LHFPL6: variants seen among roughly 807,000 people sequenced by gnomAD.
LHFPL6 encodes LHFPL tetraspan subfamily member 6 protein.
In LHFPL6, 9 loss-of-function variants were observed where a neutral mutation model predicts 20.6. The ratio of observed to expected loss-of-function variants is 0.44; its 90% confidence interval spans 0.26 to 0.76. The LOEUF (loss-of-function observed/expected upper bound fraction) is 0.76, where lower values mean the gene tolerates loss of function less well. Ranked by LOEUF, LHFPL6 falls within the 30% of genes least tolerant of loss-of-function variation. The probability of loss-of-function intolerance (pLI) is 0.20; values close to 1 mark genes in which losing one functional copy is unlikely to be tolerated. For synonymous variants in LHFPL6, 105 were observed against 98.7 expected (o/e 1.06, Z -0.38); for missense variants, 218 against 253.5 (o/e 0.86, Z 0.95).
In LHFPL6 at chr13:39,343,719, T is replaced by G; in HGVS notation, c.*217A>C. The G allele has an allele frequency of 2.1e-6, 1 of 480,470 alleles. No individual in the cohort carries two copies. Among genetic ancestry groups the G allele is most frequent in the South Asian group, 3.7e-5 (1 of 27,264 alleles). 29.8% of individuals were successfully genotyped at this position (480,470 alleles called of 1,614,324 possible). ...TGCAATATTTTTAGCCTTTGGTCCA[T>G]TTTTCTCCATCATTCTATACTCTCC... On this transcript the variant is annotated 3_prime_UTR_variant, in exon 4 of 4. Transcript: ENST00000379589.
intron 2 of LHFPL6, among the ~76,000 whole-genome samples, chr13:39,517,188 T>G (rs767596660): frequency 2.4e-4 from 37 of 152,216 alleles, no homozygotes; most frequent in Non-Finnish European, 4.4e-5. Context: ...AATTATATAA[T>G]TAGTTCCTGA....
intron 2 of LHFPL6, among the ~76,000 whole-genome samples, chr13:39,411,470 A>C (rs1871239633): frequency 6.6e-6 from 1 of 152,214 alleles, no homozygotes; most frequent in African/African-American, 2.4e-5. Context: ...ACTTGATTCC[A>C]AAATAGTGGT....
intron 2 of LHFPL6, among the ~76,000 whole-genome samples, chr13:39,519,811 T>C (rs961229836): frequency 2.0e-5 from 3 of 152,074 alleles, no homozygotes; most frequent in African/African-American, 7.2e-5. Flanking sequence ...AATGAGGTAA[T>C]AGATGAAACA....
At chr13:39,558,954 C>T (rs973485396) in intron 2 of LHFPL6, among the ~76,000 whole-genome samples, 2 of 152,190 alleles carry the variant, frequency 1.3e-5, no homozygotes, top group Non-Finnish European at 2.9e-5. Flanking sequence ...CATGAAATCA[C>T]GCCTTTGGTC....
chr13:39,420,478 G>C (rs1010451857), intron 2 of LHFPL6, among the ~76,000 whole-genome samples: 1 of 152,104 alleles, frequency 6.6e-6, no homozygotes, highest in Admixed American at 6.5e-5. Context: ...CAACCACACC[G>C]GTTTCCTTAA....
At chr13:39,474,745 C>T (rs1156383063) in intron 2 of LHFPL6, among the ~76,000 whole-genome samples, 1 of 151,880 alleles carries the variant, frequency 6.6e-6, no homozygotes, top group African/African-American at 2.4e-5. Flanking sequence ...GAAGATGTCC[C>T]AGGCCACAGG....
intron 3 of LHFPL6, among the ~76,000 whole-genome samples, chr13:39,354,872 A>C (rs1269959446): frequency 1.3e-5 from 2 of 151,974 alleles, no homozygotes; most frequent in Non-Finnish European, 2.9e-5. Context: ...AGGATGAAAA[A>C]GAATGAACAA....
intron 3 of LHFPL6, among the ~76,000 whole-genome samples, chr13:39,345,421 G>A (rs941837556): frequency 7.0e-6 from 1 of 142,338 alleles, no homozygotes; most frequent in African/African-American, 2.6e-5. Flanking sequence ...GCTGAGGCAG[G>A]AGAATCACTT....
At chr13:39,419,695 A>T (rs527403361) in intron 2 of LHFPL6, among the ~76,000 whole-genome samples, 9 of 152,240 alleles carry the variant, frequency 5.9e-5, no homozygotes, top group Admixed American at 1.3e-4. Context: ...AAATTTTTTT[A>T]AAAAATTTAA....
chr13:39,424,637 A>T (rs2138398962), intron 2 of LHFPL6, among the ~76,000 whole-genome samples: 1 of 152,310 alleles, frequency 6.6e-6, no homozygotes, highest in Non-Finnish European at 1.5e-5. Context: ...CCAATTTAAT[A>T]TTACGGGGAT....
chr13:39,569,144 T>TGGACGGAC (rs1566143962), intron 2 of LHFPL6, among the ~76,000 whole-genome samples: 1 of 29,840 alleles, frequency 3.4e-5, no homozygotes, highest in South Asian at 2.0e-3. Context: ...GATGGATGGA[T>TGGACGGAC]GGATGGACGG....
intron 2 of LHFPL6, among the ~76,000 whole-genome samples, chr13:39,426,210 CT>C (rs1353151075): frequency 4.7e-5 from 7 of 149,238 alleles, no homozygotes; most frequent in Non-Finnish European, 1.0e-4. Context: ...ACTTTCTTTT[CT>C]TTTTTTCTTT....
At chr13:39,500,003 T>C (rs1869238010) in intron 2 of LHFPL6, among the ~76,000 whole-genome samples, 1 of 152,018 alleles carries the variant, frequency 6.6e-6, no homozygotes, top group South Asian at 2.1e-4. Context: ...CAAATGAGTT[T>C]ATTCTTTTTT....
At chr13:39,510,377 G>A (rs1328847039) in intron 2 of LHFPL6, among the ~76,000 whole-genome samples, 5 of 152,166 alleles carry the variant, frequency 3.3e-5, no homozygotes, top group African/African-American at 1.2e-4. Flanking sequence ...CTTTTGCCCT[G>A]GGGCAAACTG....
rs946106901 is a variant in LHFPL6 at position 39,371,691 on chromosome 13, C to T, written c.484+6737G>A. The stretch of plus-strand genomic sequence containing the variant: ...ACAAAAGAAAGAAAAGACTAAAATG[C>T]CTTTTCTCCTTTTTATCTCATCTTC... On this transcript the variant is annotated intron_variant, in intron 3 of 3. Transcript: ENST00000379589. Among the ~76,000 whole-genome samples, 3 of 152,288 alleles carry T rather than the reference C, an allele frequency of 2.0e-5. No individual in the cohort carries two copies. In the South Asian group the frequency reaches 6.2e-4, roughly 32 times the overall value.
At chr13:39,344,700 A>T (rs1251102038) in intron 3 of LHFPL6, among the ~76,000 whole-genome samples, 2 of 152,238 alleles carry the variant, frequency 1.3e-5, no homozygotes, top group Non-Finnish European at 2.9e-5. Context: ...ATTCATAACA[A>T]ACCCAAAATA....
At chr13:39,450,792 G>A (rs1438901222) in intron 2 of LHFPL6, among the ~76,000 whole-genome samples, 1 of 152,146 alleles carries the variant, frequency 6.6e-6, no homozygotes, top group Non-Finnish European at 1.5e-5. Flanking sequence ...GGGCCATTTT[G>A]TGATATGTAT....
chr13:39,479,026 G>C (rs1157421560), intron 2 of LHFPL6, among the ~76,000 whole-genome samples: 1 of 138,756 alleles, frequency 7.2e-6, no homozygotes, highest in South Asian at 2.5e-4. Context: ...GCACCAATGG[G>C]AGATAGATAT....
chr13:39,525,421 C>T (rs1048188503), intron 2 of LHFPL6, among the ~76,000 whole-genome samples: 6 of 152,038 alleles, frequency 3.9e-5, no homozygotes, highest in Admixed American at 2.0e-4. Context: ...GTCGTAATAT[C>T]GTATTACTGG....
Sources: allele counts gnomAD v4.1 joint callset (sites outside exome capture counted in the v4.1 genomes callset), GRCh38; gene constraint gnomAD v4.1.1; transcripts MANE v1.5; gene names NCBI Gene and HGNC (gene_info 2026-07-23, HGNC 2026-07-21).